ZNF277: variants seen among roughly 807,000 people sequenced by gnomAD.
ZNF277 encodes zinc finger protein 277, also known as nuclear receptor-interacting factor 4.
In ZNF277, 55 loss-of-function variants were observed where a neutral mutation model predicts 60.7. The ratio of observed to expected loss-of-function variants is 0.91; its 90% CI spans 0.73 to 1.13. The LOEUF (loss-of-function observed/expected upper bound fraction) is 1.13, where lower values mean the gene tolerates loss of function less well. ZNF277 is among the 50% of genes most tolerant of loss of function. The pLI, the probability that ZNF277 is intolerant of heterozygous loss-of-function variation, is 0.00. For missense variants in ZNF277, 510 were observed against 523.0 expected (o/e 0.98, Z 0.24); for synonymous variants, 178 against 179.3 (o/e 0.99, Z 0.06).
At chr7:112,332,530 C>T (rs901063368) in intron 7 of ZNF277, among the ~76,000 whole-genome samples, 9 of 152,156 alleles carry the variant, frequency 5.9e-5, no homozygotes, top group Non-Finnish European at 1.3e-4. Flanking sequence ...GATCTATTCT[C>T]CCACCCTTGC....
intron 7 of ZNF277, among the ~76,000 whole-genome samples, chr7:112,335,252 T>G (rs568855447): frequency 2.0e-5 from 3 of 152,298 alleles, no homozygotes; most frequent in African/African-American, 7.2e-5. Flanking sequence ...AACCATAGTT[T>G]AGCTGCTTGA....
chr7:112,342,986 CATCTTAAATT>C lies in ZNF277; in HGVS notation c.*262_*271del. ...TGGCTGTAAAGTTTTATTGTGTGAT[CATCTTAAATT>C]ATCTCACTTCATTAAACTCATAATT... On this transcript the variant is annotated 3_prime_UTR_variant, in exon 12 of 12. Transcript: ENST00000361822. The C allele has an allele frequency of 4.0e-6, 1 of 247,472 alleles. No individual in the cohort carries two copies. The highest frequency in any genetic ancestry group is 7.7e-6 in the Non-Finnish European group (1 of 129,442). The allele number at this position is 247,472 out of a possible 1,614,324, so 15.3% of individuals were successfully genotyped here.
Position 112,342,605 on chromosome 7 carries a change from T to C in ZNF277, c.1229T>C (p.Leu410Pro), listed in dbSNP as rs1382353164. 1.9e-6 allele frequency: 3 copies of C among 1,612,982 alleles called. No homozygotes were observed. In the African/African-American group the frequency reaches 4.0e-5, roughly 22 times the overall value. The stretch of plus-strand genomic sequence containing the variant: ...GAAAATGACACTCTCCTGTGTACAC[T>C]ATCTGACAGTGAAAGTGACCTGACA... ...TYENDTLLCTLSDSESDLTAQ... is the reference protein window; with the variant it reads ...TYENDTLLCTPSDSESDLTAQ... Residue 410 changes from leucine (L) to proline (P), a missense_variant, in exon 12 of 12, where the codon CTA becomes CCA. Physicochemically the swap from Leu to Pro is moderately conservative, Grantham distance 98. Coordinates refer to ENST00000361822, the MANE Select transcript of ZNF277 (RefSeq NM_021994.3).
chr7:112,247,820 T>C (rs1039005886), intron 1 of ZNF277, among the ~76,000 whole-genome samples: 1 of 151,762 alleles, frequency 6.6e-6, no homozygotes, highest in Admixed American at 6.6e-5. Context: ...ATACAAAAAT[T>C]AGCCAGGCAT....
intron 5 of ZNF277, among the ~76,000 whole-genome samples, chr7:112,326,760 GTC>G (rs1376160485): frequency 6.6e-6 from 1 of 151,948 alleles, no homozygotes; most frequent in Non-Finnish European, 1.5e-5. Context: ...CCAGGTAAGT[GTC>G]TAAATAATCT....
At chr7:112,215,228 T>G (rs552939585) in intron 1 of ZNF277, among the ~76,000 whole-genome samples, 2 of 152,316 alleles carry the variant, frequency 1.3e-5, no homozygotes, top group South Asian at 4.1e-4. Context: ...CTGCTACTGC[T>G]ACTACTACTA....
intron 4 of ZNF277, among the ~76,000 whole-genome samples, chr7:112,308,707 G>A (rs1242913630): frequency 6.6e-6 from 1 of 152,036 alleles, no homozygotes; most frequent in African/African-American, 2.4e-5. Flanking sequence ...GGATGTAGAA[G>A]AGGAAAGATG....
At chr7:112,339,039 G>A (rs1372975490) in intron 9 of ZNF277, among the ~76,000 whole-genome samples, 4 of 152,178 alleles carry the variant, frequency 2.6e-5, no homozygotes, top group Admixed American at 6.5e-5. Context: ...AAAAGAAAGC[G>A]TGATTTATAG....
chr7:112,226,353 A>G (rs1822175646), intron 1 of ZNF277, among the ~76,000 whole-genome samples: 2 of 152,138 alleles, frequency 1.3e-5, no homozygotes, highest in Non-Finnish European at 2.9e-5. Context: ...TTTAAGGAAC[A>G]TTTTCTCCAT....
intron 1 of ZNF277, among the ~76,000 whole-genome samples, chr7:112,249,370 G>A (rs147177403): frequency 2.0e-5 from 3 of 152,228 alleles, no homozygotes; most frequent in East Asian, 3.9e-4. Context: ...CTCTTAAACT[G>A]TTAGTAGATG....
At chr7:112,311,416 C>T (rs973607865) in intron 4 of ZNF277, among the ~76,000 whole-genome samples, 53 of 152,158 alleles carry the variant, frequency 3.5e-4, no homozygotes, top group African/African-American at 1.2e-3. Flanking sequence ...TGATTTTTAT[C>T]AGCTTCTTTG....
chr7:112,336,039 G>A (rs1793323439), intron 7 of ZNF277, 65 bp from the exon 8 acceptor site: 2 of 1,410,312 alleles, frequency 1.4e-6, no homozygotes, highest in Non-Finnish European at 9.8e-7. Flanking sequence ...TTTTTTCAAA[G>A]TTCTACATAC....
intron 2 of ZNF277, among the ~76,000 whole-genome samples, chr7:112,290,789 T>C (rs1037596857): frequency 6.6e-6 from 1 of 152,184 alleles, no homozygotes; most frequent in Non-Finnish European, 1.5e-5. Flanking sequence ...CAGGTATTGA[T>C]TGTTATGATC....
intron 5 of ZNF277, among the ~76,000 whole-genome samples, chr7:112,319,554 A>G (rs59546133): frequency 0.037 from 5,657 of 151,494 alleles, 364 homozygotes; most frequent in African/African-American, 0.13. Flanking sequence ...GTCTTTAGTG[A>G]AAACATAGCC....
chr7:112,292,277 C>A (rs1792225885), intron 2 of ZNF277, among the ~76,000 whole-genome samples: 1 of 152,258 alleles, frequency 6.6e-6, no homozygotes, highest in East Asian at 1.9e-4. Flanking sequence ...GCTCCTGTTA[C>A]CTCTGTAGTG....
At chr7:112,235,336 C>T (rs929701932) in intron 1 of ZNF277, among the ~76,000 whole-genome samples, 1 of 152,042 alleles carries the variant, frequency 6.6e-6, no homozygotes, top group African/African-American at 2.4e-5. Flanking sequence ...ACATTTTGAA[C>T]TGTCAAACTG....
chr7:112,265,196 T>G (rs76965771), intron 1 of ZNF277, among the ~76,000 whole-genome samples: 123 of 152,332 alleles, frequency 8.1e-4, no homozygotes, highest in African/African-American at 2.8e-3. Flanking sequence ...GTCTTGGCTT[T>G]CCACTTGCCT....
In ZNF277 at chr7:112,318,200, C is replaced by T; in HGVS notation, c.484C>T (p.Gln162Ter). 1 of 1,612,952 alleles carries T rather than the reference C, an allele frequency of 6.2e-7. No homozygotes were observed. Among genetic ancestry groups the T allele is most frequent in the Non-Finnish European group, 8.5e-7 (1 of 1,179,062 alleles). ...TTTCCAGAGAGAAATTCTGGAACAA[C>T]AGCAGCAAGAACGAAATGATACCAA... is the stretch of plus-strand genomic sequence containing the variant. The part of the protein sequence containing the change: ...KQRLREILEQ[Q>*]QQERNDTNFH... Residue 162 changes from glutamine (Q) to a stop codon, truncating the protein, a stop_gained, in exon 5 of 12, where the codon CAG becomes TAG. Transcript: ENST00000361822. LOFTEE classifies it high-confidence loss of function.
intron 1 of ZNF277, among the ~76,000 whole-genome samples, chr7:112,274,043 ATAT>A (rs1791739753): frequency 9.9e-6 from 1 of 101,156 alleles, no homozygotes; most frequent in Admixed American, 8.9e-5. Context: ...ATAGTATGAG[ATAT>A]ATATATATAT....
Sources: allele counts gnomAD v4.1 joint callset (sites outside exome capture counted in the v4.1 genomes callset), GRCh38; gene constraint gnomAD v4.1.1; transcripts MANE v1.5; gene names NCBI Gene and HGNC (gene_info 2026-07-23, HGNC 2026-07-21).